The following ZFP90 variants were observed in gnomAD, a reference collection of about 807,000 sequenced individuals.
The protein encoded by ZFP90 is ZFP90 zinc finger protein, also known as zinc finger protein 90 homolog.
Under a neutral mutation model 60.8 loss-of-function variants are expected in ZFP90, and 38 were observed. The observed-to-expected ratio is 0.62, with a 90% CI of 0.48 to 0.82. ZFP90 has a LOEUF of 0.82. Among genes scored for constraint, ZFP90 ranks in the 40% least tolerant of loss-of-function variants. The pLI is 0.00. For missense variants in ZFP90, 711 were observed against 759.1 expected (o/e 0.94, Z 0.74); for synonymous variants, 287 against 264.8 (o/e 1.08, Z -0.82).
intron 2 of ZFP90, among the ~76,000 whole-genome samples, chr16:68,552,969 C>G (rs1003074633): frequency 6.6e-6 from 1 of 152,184 alleles, no homozygotes; most frequent in Admixed American, 6.6e-5. Flanking sequence ...GGAAAATTGC[C>G]TAGGCCCGGT....
At chr16:68,542,635 T>C (rs1354878692) in intron 2 of ZFP90, among the ~76,000 whole-genome samples, 1 of 152,078 alleles carries the variant, frequency 6.6e-6, no homozygotes, top group Non-Finnish European at 1.5e-5. Flanking sequence ...GTAGAGCTGA[T>C]TGATTTGGTG....
At chr16:68,535,351 G>C (rs948791537), upstream of ZFP90, among the ~76,000 whole-genome samples, 2 of 152,172 alleles carry the variant, frequency 1.3e-5, no homozygotes, top group Admixed American at 1.3e-4. Flanking sequence ...TTTGAAACAG[G>C]TAATTTACCT....
upstream of ZFP90, chr16:68,535,735 C>T (rs2090955679): frequency 6.6e-6 from 1 of 152,060 alleles, no homozygotes; most frequent in Non-Finnish European, 1.5e-5. Context: ...AGCTAGCGTT[C>T]CATGTTCTGC....
downstream of ZFP90, among the ~76,000 whole-genome samples, chr16:68,571,935 T>C (rs1037570711): frequency 6.6e-6 from 1 of 152,218 alleles, no homozygotes; most frequent in Non-Finnish European, 1.5e-5. Context: ...CATGAGTGAC[T>C]ATTTGCAAGA....
intron 2 of ZFP90, among the ~76,000 whole-genome samples, chr16:68,540,069 G>T (rs921064888): frequency 2.6e-5 from 4 of 152,226 alleles, no homozygotes; most frequent in African/African-American, 9.6e-5. Flanking sequence ...GATTGGATGC[G>T]TTGGGAAGTG....
In ZFP90 at chr16:68,563,919, T is replaced by C. The variant is rs2091475782; in HGVS notation, c.1132T>C (p.Cys378Arg). 6.2e-7 allele frequency: 1 copy of C among 1,613,904 alleles called. No homozygotes were observed. Among genetic ancestry groups the C allele is most frequent in the Non-Finnish European group, 8.5e-7 (1 of 1,179,942 alleles). ...GGAATGTGGGAAAGCCTTTAGTCGATGTTCTTCCCTTGTCCAACATGAGAG... is the reference window on the plus strand; with the variant it reads ...GGAATGTGGGAAAGCCTTTAGTCGACGTTCTTCCCTTGTCCAACATGAGAG... ...CKECGKAFSR[C>R]SSLVQHERTH... The change falls in exon 5 of 5, where the codon TGT becomes CGT. Residue 378 changes from cysteine (C) to arginine (R), a missense_variant. Around this residue, in one of 5 missense-constraint regions of ZFP90, gnomAD observed 146 missense variants for 201.4 expected, o/e 0.73. Transcript: ENST00000563169.
At chr16:68,547,230 C>G (rs1819970063) in intron 2 of ZFP90, among the ~76,000 whole-genome samples, 3 of 152,184 alleles carry the variant, frequency 2.0e-5, no homozygotes, top group Non-Finnish European at 1.5e-5. Context: ...TAACAGTGCA[C>G]AAAGGGTTCT....
intron 4 of ZFP90, among the ~76,000 whole-genome samples, chr16:68,559,711 A>T (rs958439406): frequency 2.0e-5 from 3 of 150,340 alleles, no homozygotes; most frequent in African/African-American, 7.4e-5. Context: ...AGGACTATAG[A>T]TATGTGCCAC....
Position 68,564,783 on chromosome 16 carries a change from T to C in ZFP90, c.*85T>C. 1 of 1,486,710 alleles carries C rather than the reference T, an allele frequency of 6.7e-7. No individual in the cohort carries two copies. Among genetic ancestry groups the C allele is most frequent in the Non-Finnish European group, 8.9e-7 (1 of 1,124,186 alleles). The allele number at this position is 1,486,710 out of a possible 1,614,324, so 92.1% of individuals were successfully genotyped here. ...AGAGGATTCTTAGAGAGCTTGGGAATGTAATGAATTACGTGTGTGTTTATA... is the reference window on the plus strand; with the variant it reads ...AGAGGATTCTTAGAGAGCTTGGGAACGTAATGAATTACGTGTGTGTTTATA... On this transcript the variant is annotated 3_prime_UTR_variant, in exon 5 of 5. Coordinates refer to ENST00000563169, the MANE Select transcript of ZFP90 (RefSeq NM_001305203.2).
chr16:68,566,967 C>T lies in ZFP90; in HGVS notation c.*2269C>T. The T allele has an allele frequency of 1.0e-6, 1 of 985,618 alleles. No homozygotes were observed. The highest frequency in any genetic ancestry group is 1.7e-5 in the African/African-American group (1 of 57,354). The allele number at this position is 985,618 out of a possible 1,614,324, so 61.1% of individuals were successfully genotyped here. ...CTGAAACTCAGCACATCTTCATTGA[C>T]AGGGAGGGAGCCCAGGACATATGTG... On this transcript the variant is annotated 3_prime_UTR_variant, in exon 5 of 5. Coordinates refer to ENST00000563169, the MANE Select transcript of ZFP90 (RefSeq NM_001305203.2).
chr16:68,570,647 A>G (rs1007014411), downstream of ZFP90, among the ~76,000 whole-genome samples: 3 of 152,236 alleles, frequency 2.0e-5, no homozygotes, highest in East Asian at 3.8e-4. Flanking sequence ...GGTTGCTTTC[A>G]GCACTGTCTG....
chr16:68,539,778 C>G lies in ZFP90; in HGVS notation c.-15C>G, dbSNP rs1364130848. The G allele has an allele frequency of 4.2e-5, 67 of 1,590,978 alleles. No homozygotes were observed. Among genetic ancestry groups the G allele is most frequent in the Non-Finnish European group, 5.6e-5 (66 of 1,170,030 alleles). On this transcript the variant is annotated 5_prime_UTR_variant, in exon 2 of 5. Coordinates refer to ENST00000563169, the MANE Select transcript of ZFP90 (RefSeq NM_001305203.2). ...CCCAGCTCCTGCCCCGGAGCCGGGC[C>G]CTGGCGAGGCAGGAATGGCCCCGAG...
rs1750795242 is a variant in ZFP90 at position 68,565,442 on chromosome 16, G to A, written c.*744G>A. On this transcript the variant is annotated 3_prime_UTR_variant, in exon 5 of 5. Transcript: ENST00000563169. ...TTAAAAGTATAAGTGGGAGCAAAATGTATGCAAATTTATCACAAACTATTT... is the reference window on the plus strand; with the variant it reads ...TTAAAAGTATAAGTGGGAGCAAAATATATGCAAATTTATCACAAACTATTT... 1.0e-6 allele frequency: 1 copy of A among 985,594 alleles called. No homozygotes were observed. Among genetic ancestry groups the A allele is most frequent in the South Asian group, 4.7e-5 (1 of 21,284 alleles). The allele number at this position is 985,594 out of a possible 1,614,324, so 61.1% of individuals were successfully genotyped here.
At position 68,566,125 on chromosome 16, in the gene ZFP90, AC is replaced by A. The variant is rs1597755839; in HGVS notation, c.*1428del. 1.0e-6 allele frequency: 1 copy of A among 984,848 alleles called. No individual in the cohort carries two copies. The highest frequency in any genetic ancestry group is 1.1e-4 in the East Asian group (1 of 8,944). 61.0% of individuals were successfully genotyped at this position (984,848 alleles called of 1,614,324 possible). A position where few individuals can be genotyped will look rare whatever the true frequency, so the allele number is the denominator to read the frequency against. ...TCCAGCCTGAGCAACAGAGCAAGAC[AC>A]ACACACATCAATTTATTTTAGTTGT... On this transcript the variant is annotated 3_prime_UTR_variant, in exon 5 of 5. Coordinates refer to ENST00000563169, the MANE Select transcript of ZFP90 (RefSeq NM_001305203.2).
At chr16:68,571,411 T>G (rs1194161503), downstream of ZFP90, among the ~76,000 whole-genome samples, 1 of 152,212 alleles carries the variant, frequency 6.6e-6, no homozygotes, top group Admixed American at 6.5e-5. Flanking sequence ...CCCACAGTGG[T>G]GCATAGGTAT....
Position 68,566,159 on chromosome 16 carries a change from T to C in ZFP90, c.*1461T>C. The C allele has an allele frequency of 1.0e-6, 1 of 985,454 alleles. No homozygotes were observed. Among genetic ancestry groups the C allele is most frequent in the Non-Finnish European group, 1.2e-6 (1 of 829,918 alleles). The allele number at this position is 985,454 out of a possible 1,614,324, so 61.0% of individuals were successfully genotyped here. A position where few individuals can be genotyped will look rare whatever the true frequency, so the allele number is the denominator to read the frequency against. On this transcript the variant is annotated 3_prime_UTR_variant, in exon 5 of 5. Transcript: ENST00000563169. ...TCAATTTATTTTAGTTGTATAATGC[T>C]TTTCTATTAGTAAAGCATCAGCTAA...
Position 68,566,821 on chromosome 16 carries a change from G to T in ZFP90, c.*2123G>T. 1.0e-6 allele frequency: 1 copy of T among 985,594 alleles called. No individual in the cohort carries two copies. Among genetic ancestry groups the T allele is most frequent in the Non-Finnish European group, 1.2e-6 (1 of 829,960 alleles). The allele number at this position is 985,594 out of a possible 1,614,324, so 61.1% of individuals were successfully genotyped here. A position where few individuals can be genotyped will look rare whatever the true frequency, so the allele number is the denominator to read the frequency against. ...AGTGGACTACTTTCAGGAATGGCAT[G>T]AATTGTAACCAACTGAGTGCTGCCC... On this transcript the variant is annotated 3_prime_UTR_variant, in exon 5 of 5. Coordinates refer to ENST00000563169, the MANE Select transcript of ZFP90 (RefSeq NM_001305203.2).
chr16:68,556,285 C>G (rs1403536545), intron 2 of ZFP90, among the ~76,000 whole-genome samples: 1 of 145,960 alleles, frequency 6.9e-6, no homozygotes, highest in Non-Finnish European at 1.5e-5. Flanking sequence ...TCAGAGCTGA[C>G]AATTGGGAGG....
intron 2 of ZFP90, among the ~76,000 whole-genome samples, chr16:68,544,650 T>C (rs1597718664): frequency 6.6e-6 from 1 of 152,166 alleles, no homozygotes; most frequent in East Asian, 1.9e-4. Flanking sequence ...TTAGACAAGA[T>C]GCTTCTGGGG....
Sources: allele counts gnomAD v4.1 joint callset (sites outside exome capture counted in the v4.1 genomes callset), GRCh38; gene constraint gnomAD v4.1.1; regional missense constraint gnomAD v4.1.1; transcripts MANE v1.5; gene names NCBI Gene and HGNC (gene_info 2026-07-23, HGNC 2026-07-21).